The following TDRD9 variants were observed in gnomAD, a reference collection of about 807,000 sequenced individuals.
TDRD9 encodes the protein tudor domain containing 9.
Under a neutral mutation model 172.6 loss-of-function variants are expected in TDRD9, and 124 were observed. That is an observed-to-expected ratio of 0.72 (90% CI 0.62 to 0.83). TDRD9 has a LOEUF of 0.83. TDRD9 is among the 40% of genes least tolerant of loss of function. TDRD9 has a pLI of 0.00. For synonymous variants in TDRD9, 619 were observed against 617.1 expected (o/e 1.00, Z -0.05); for missense variants, 1,479 against 1,714.1 (o/e 0.86, Z 2.42).
chr14:103,999,265 C>A (rs2034171819), intron 13 of TDRD9, among the ~76,000 whole-genome samples: 1 of 152,150 alleles, frequency 6.6e-6, no homozygotes, highest in Admixed American at 6.5e-5. Flanking sequence ...AATGGATAAA[C>A]CCCATCATCC....
intron 28 of TDRD9, among the ~76,000 whole-genome samples, chr14:104,029,841 A>G (rs1311175738): frequency 6.6e-6 from 1 of 152,144 alleles, no homozygotes; most frequent in Admixed American, 6.5e-5. Context: ...GCGTTGAGAT[A>G]TGTTCCTTCT....
intron 2 of TDRD9, among the ~76,000 whole-genome samples, chr14:103,961,417 G>T (rs2032502408): frequency 6.6e-6 from 1 of 151,964 alleles, no homozygotes; most frequent in Non-Finnish European, 1.5e-5. Flanking sequence ...ACAAAAATTA[G>T]CCGGGTGTGG....
At position 103,955,742 on chromosome 14, in the gene TDRD9, T is replaced by A. The variant is rs1225375424; in HGVS notation, c.294T>A (p.Cys98Ter). 1.3e-6 allele frequency: 2 copies of A among 1,551,378 alleles called. No homozygotes were observed. The highest frequency in any genetic ancestry group is 8.7e-7 in the Non-Finnish European group (1 of 1,146,852). Residue 98 changes from cysteine (C) to a stop codon, truncating the protein, a stop_gained, in exon 2 of 36, where the codon TGT (cysteine) becomes TGA (stop). Coordinates refer to ENST00000409874, the MANE Select transcript of TDRD9 (RefSeq NM_153046.3). LOFTEE classifies it high-confidence loss of function. ...TCGAAGCACAAGAGCTTGATGTGTG[T>A]CGCAGTGTCCAACCAACCAGTGGGC... ...RQLEAQELDV[C>*]RSVQPTSGPG...
intron 16 of TDRD9, 30 bp downstream of exon 16, chr14:104,006,584 G>A (rs1300718200): frequency 1.2e-6 from 2 of 1,611,556 alleles, no homozygotes; most frequent in Admixed American, 3.3e-5. Context: ...AATGCTAATG[G>A]GAAGTTTATA....
At chr14:103,936,757 C>T (rs567471239) in intron 1 of TDRD9, among the ~76,000 whole-genome samples, 2 of 152,158 alleles carry the variant, frequency 1.3e-5, no homozygotes, top group Non-Finnish European at 2.9e-5. Context: ...AATCTAGCAC[C>T]TAGAAGAATG....
At chr14:104,025,428 A>G (rs571208200) in intron 25 of TDRD9, 136 bp from the exon 26 acceptor site, 3 of 683,306 alleles carry the variant, frequency 4.4e-6, no homozygotes, top group Non-Finnish European at 7.4e-6. Context: ...AAAAACCTGT[A>G]AATACTTATG....
At chr14:103,952,889 G>A (rs144734235) in intron 1 of TDRD9, among the ~76,000 whole-genome samples, 5 of 151,454 alleles carry the variant, frequency 3.3e-5, no homozygotes, top group East Asian at 1.9e-4. Context: ...ACAGGTGCTC[G>A]CCACCACGTT....
At chr14:103,950,382 A>G (rs1428882376) in intron 1 of TDRD9, among the ~76,000 whole-genome samples, 1 of 152,160 alleles carries the variant, frequency 6.6e-6, no homozygotes, top group East Asian at 1.9e-4. Flanking sequence ...GAGCCACCGC[A>G]TACGGCCGGT....
At chr14:103,990,464 C>G (rs1429268301) in intron 8 of TDRD9, among the ~76,000 whole-genome samples, 1 of 152,246 alleles carries the variant, frequency 6.6e-6, no homozygotes, top group Non-Finnish European at 1.5e-5. Context: ...CAGAGAGGCC[C>G]TTCCCAGCCA....
intron 30 of TDRD9, among the ~76,000 whole-genome samples, chr14:104,033,065 G>C (rs2035334363): frequency 6.6e-6 from 1 of 152,092 alleles, no homozygotes. Context: ...AATTGGGTGG[G>C]GGGAAGGGAG....
intron 23 of TDRD9, among the ~76,000 whole-genome samples, chr14:104,019,301 C>G (rs1210666686): frequency 6.6e-6 from 1 of 152,120 alleles, no homozygotes; most frequent in Non-Finnish European, 1.5e-5. Context: ...TTCTTTACAA[C>G]TGGATTGGGT....
chr14:104,028,949 A>G (rs185604867), intron 28 of TDRD9, among the ~76,000 whole-genome samples: 63 of 152,230 alleles, frequency 4.1e-4, no homozygotes, highest in East Asian at 2.1e-3. Flanking sequence ...CCTTTCCCCA[A>G]TGAATGTTCT....
intron 1 of TDRD9, among the ~76,000 whole-genome samples, chr14:103,948,731 C>G (rs117376704): frequency 6.6e-6 from 1 of 152,004 alleles, no homozygotes; most frequent in Non-Finnish European, 1.5e-5. Context: ...TTTAGCCAGG[C>G]ACTATGGAGT....
At chr14:104,019,639 T>A (rs1445667698) in intron 23 of TDRD9, among the ~76,000 whole-genome samples, 1 of 152,218 alleles carries the variant, frequency 6.6e-6, no homozygotes, top group African/African-American at 2.4e-5. Context: ...ATTGAAAGAA[T>A]AAGAAGTGTA....
At chr14:103,956,144 A>ATATATATATATATATATATG (rs1178934138) in intron 2 of TDRD9, among the ~76,000 whole-genome samples, 12 of 80,854 alleles carry the variant, frequency 1.5e-4, no homozygotes, top group South Asian at 3.9e-4. Context: ...ATATATATAT[A>ATATATATATATATATATATG]TATATAATTA....
chr14:104,045,012 A>G (rs1197596165), intron 34 of TDRD9, among the ~76,000 whole-genome samples: 1 of 152,156 alleles, frequency 6.6e-6, no homozygotes, highest in African/African-American at 2.4e-5. Context: ...GCATGGTGAC[A>G]CACGCCTGTA....
At position 103,997,597 on chromosome 14, in the gene TDRD9, G is replaced by A. The variant is rs978452856; in HGVS notation, c.1379-1027G>A. Among the ~76,000 whole-genome samples the A allele has an allele frequency of 2.0e-5, 3 of 152,358 alleles. No individual in the cohort carries two copies. The highest frequency in any genetic ancestry group is 2.0e-4 in the Admixed American group (3 of 15,312). ...GAGCAGCTGGCGGGGGCGTCAGCCC[G>A]TGACTGGCGTTGGAAGGCAGGAACC... On this transcript the variant is annotated intron_variant, in intron 12 of 35. Transcript: ENST00000409874. This position sits in a 1 kb window ranked among gnomAD's most constrained non-coding sequence, Gnocchi z 5.1.
intron 13 of TDRD9, among the ~76,000 whole-genome samples, chr14:104,003,029 C>T (rs2034314329): frequency 6.6e-6 from 1 of 152,068 alleles, no homozygotes; most frequent in Non-Finnish European, 1.5e-5. Context: ...CTTAATTTAA[C>T]AACTTTCCCT....
rs1030294280 is a variant in TDRD9, at chr14:103,941,821, T to G, written c.215+13097T>G. ...CACGATTTTTTTTCACATTTAGCTA[T>G]GCAGGTCAAAATAAGATTAGAACAT... On this transcript the variant is annotated intron_variant, in intron 1 of 35. Coordinates refer to ENST00000409874, the MANE Select transcript of TDRD9 (RefSeq NM_153046.3). 4 of 690,218 alleles carry G rather than the reference T, an allele frequency of 5.8e-6. No individual in the cohort carries two copies. The Admixed American group carries it at 1.3e-4, about 22-fold the overall frequency. The allele number at this position is 690,218 out of a possible 1,614,324, so 42.8% of individuals were successfully genotyped here. A position where few individuals can be genotyped will look rare whatever the true frequency, so the allele number is the denominator to read the frequency against.
Sources: allele counts gnomAD v4.1 joint callset (sites outside exome capture counted in the v4.1 genomes callset), GRCh38; gene constraint gnomAD v4.1.1; non-coding constraint Gnocchi (gnomAD v3.1); transcripts MANE v1.5; gene names NCBI Gene and HGNC (gene_info 2026-07-23, HGNC 2026-07-21).